SCLT1: variants seen among roughly 807,000 people sequenced by gnomAD.
The protein encoded by SCLT1 is sodium channel-associated protein 1.
SCLT1 carries 78 observed loss-of-function variants against 112.8 expected under a neutral mutation model. The ratio of observed to expected loss-of-function variants is 0.69; its 90% CI spans 0.58 to 0.83. The LOEUF (loss-of-function observed/expected upper bound fraction) is 0.83. Ranked by LOEUF, SCLT1 falls within the 40% of genes least tolerant of loss-of-function variation. SCLT1 has a pLI of 0.00. For missense variants in SCLT1, 747 were observed against 770.4 expected (o/e 0.97, Z 0.36); for synonymous variants, 257 against 254.7 (o/e 1.01, Z -0.09).
intron 2 of SCLT1, among the ~76,000 whole-genome samples, chr4:129,046,350 T>C: frequency 6.6e-6 from 1 of 152,070 alleles, no homozygotes; most frequent in East Asian, 1.9e-4. Flanking sequence ...CCAGGCTCCA[T>C]GTGGGACCCA....
At chr4:129,089,289 A>C (rs1752641135) in intron 1 of SCLT1, among the ~76,000 whole-genome samples, 1 of 152,238 alleles carries the variant, frequency 6.6e-6, no homozygotes, top group Non-Finnish European at 1.5e-5. Context: ...GAGAAATGCA[A>C]ATCAAAACCA....
intron 9 of SCLT1, among the ~76,000 whole-genome samples, chr4:128,982,910 C>T (rs751852579): frequency 1.1e-4 from 16 of 151,508 alleles, no homozygotes; most frequent in Middle Eastern, 3.2e-3. Context: ...TTGTTTGAGA[C>T]GGATTTTCAC....
chr4:128,929,131 A>G (rs896827158), intron 18 of SCLT1, among the ~76,000 whole-genome samples: 3 of 152,226 alleles, frequency 2.0e-5, no homozygotes, highest in Non-Finnish European at 4.4e-5. Context: ...CAAAATCCAA[A>G]AGATTCTACA....
rs188412085 is a variant in SCLT1, at chr4:128,979,779, C to G, written c.687-9311G>C. Among the ~76,000 whole-genome samples, 372 of 152,232 alleles carry G rather than the reference C, an allele frequency of 2.4e-3. 5 individuals carry two copies. The highest frequency in any genetic ancestry group is 6.0e-4 in the Non-Finnish European group (41 of 68,010). On this transcript the variant is annotated intron_variant, in intron 9 of 20. Coordinates refer to ENST00000281142, the MANE Select transcript of SCLT1 (RefSeq NM_144643.4). ...ATATATTTTGAAAGAAAACAGTCAT[C>G]TACTCTTAGAGGCAAAAGTTCTGAA...
At chr4:128,876,408 G>C (rs1732521417) in intron 4 of SCLT1, 1 of 152,118 alleles carries the variant, frequency 6.6e-6, no homozygotes, top group Non-Finnish European at 1.5e-5. Context: ...GCCAAAGGAA[G>C]GGCCTATCAT....
chr4:129,068,110 T>G (rs1484062692), intron 2 of SCLT1, among the ~76,000 whole-genome samples: 3 of 152,196 alleles, frequency 2.0e-5, no homozygotes, highest in Non-Finnish European at 4.4e-5. Flanking sequence ...CATTCCTGAA[T>G]TACTTCACTT....
At chr4:128,930,393 A>G (rs1442578677) in intron 18 of SCLT1, among the ~76,000 whole-genome samples, 2 of 152,182 alleles carry the variant, frequency 1.3e-5, no homozygotes, top group Non-Finnish European at 2.9e-5. Context: ...TACTTCATGA[A>G]AGACCTTGTG....
intron 2 of SCLT1, among the ~76,000 whole-genome samples, chr4:129,065,019 C>T (rs1750353020): frequency 6.6e-6 from 1 of 151,944 alleles, no homozygotes; most frequent in African/African-American, 2.4e-5. Context: ...TGTTTAGAAC[C>T]TTTTATTTTT....
chr4:128,891,091 G>A lies in SCLT1; in HGVS notation c.1876C>T (p.Gln626Ter), dbSNP rs1479099522. ...QKLHTQELLS[Q>*]LEMANEKVAE... ...ACCTTTTCATTTGCCATTTCCAGCT[G>A]AGAAAGCAGCTCTTGGGTATGAAGT... The change falls in exon 19 of 21, where the codon CAG becomes TAG. Residue 626 changes from glutamine to a stop codon, truncating the protein, a stop_gained. Transcript: ENST00000281142. LOFTEE classifies it high-confidence loss of function. 4.3e-6 allele frequency: 7 copies of A among 1,612,910 alleles called. No individual in the cohort carries two copies. Among genetic ancestry groups the A allele is most frequent in the Non-Finnish European group, 5.9e-6 (7 of 1,179,464 alleles).
intron 10 of SCLT1, among the ~76,000 whole-genome samples, chr4:128,969,359 T>C (rs897699781): frequency 2.0e-5 from 3 of 151,854 alleles, no homozygotes; most frequent in Admixed American, 1.3e-4. Flanking sequence ...GATCACAAGG[T>C]CAGGAAACTG....
intron 1 of SCLT1, among the ~76,000 whole-genome samples, chr4:129,083,186 G>GAAAAAAAAAAAAAAAAAAAAAAAAAAAA (rs10651058): frequency 1.2e-5 from 1 of 84,548 alleles, no homozygotes; most frequent in Non-Finnish European, 2.1e-5. Flanking sequence ...GTGAGACTCT[G>GAAAAAAAAAAAAAAAAAAAAAAAAAAAA]AAAAAAAAAA....
chr4:128,980,352 A>ATATCTTT lies in SCLT1; in HGVS notation c.687-9885_687-9884insAAAGATA, dbSNP rs534014003. Reference sequence around the variant, plus strand: ...TGTCTTTTAAAAAATAAGATAGTATATAAAAATTATCAGCACACACATTTT... The same window carrying ATATCTTT: ...TGTCTTTTAAAAAATAAGATAGTATATATCTTTTAAAAATTATCAGCACACACATTTT... On this transcript the variant is annotated intron_variant, in intron 9 of 20. Coordinates refer to ENST00000281142, the MANE Select transcript of SCLT1 (RefSeq NM_144643.4). Among the ~76,000 whole-genome samples, 530 of 152,360 alleles carry ATATCTTT rather than the reference A, an allele frequency of 3.5e-3. 6 individuals are homozygous for ATATCTTT. The highest frequency in any genetic ancestry group is 0.01 in the Middle Eastern group (3 of 294).
At chr4:129,066,928 C>T (rs1319758689) in intron 2 of SCLT1, among the ~76,000 whole-genome samples, 1 of 151,914 alleles carries the variant, frequency 6.6e-6, no homozygotes, top group African/African-American at 2.4e-5. Flanking sequence ...CAGAAGGAAA[C>T]AGGTGAGGAA....
At chr4:128,910,585 C>T (rs1735016320) in intron 18 of SCLT1, among the ~76,000 whole-genome samples, 1 of 151,886 alleles carries the variant, frequency 6.6e-6, no homozygotes, top group South Asian at 2.1e-4. Flanking sequence ...ATGGTTAGAT[C>T]GATTAATCAC....
intron 7 of SCLT1, 28 bp from the exon 8 acceptor site, chr4:128,997,967 T>A (rs750311385): frequency 2.7e-5 from 33 of 1,214,706 alleles, no homozygotes; most frequent in Non-Finnish European, 3.6e-5. Context: ...GGGGAGTATA[T>A]AAATAGCATT....
chr4:128,898,791 A>G (rs1486919332), intron 18 of SCLT1, among the ~76,000 whole-genome samples: 1 of 152,206 alleles, frequency 6.6e-6, no homozygotes, highest in Non-Finnish European at 1.5e-5. Flanking sequence ...ACTAATGAAG[A>G]AGAAAACAGA....
chr4:129,088,966 C>T (rs1752617985), intron 1 of SCLT1, among the ~76,000 whole-genome samples: 1 of 152,134 alleles, frequency 6.6e-6, no homozygotes, highest in South Asian at 2.1e-4. Flanking sequence ...GTCTAAAACA[C>T]CAAAAGCAAT....
intron 19 of SCLT1, among the ~76,000 whole-genome samples, chr4:128,889,535 C>T (rs1733150833): frequency 6.6e-6 from 1 of 152,156 alleles, no homozygotes; most frequent in Admixed American, 6.5e-5. Context: ...GACTTCTAGC[C>T]TCTGGAACTA....
At chr4:129,059,694 G>A (rs1417806534) in intron 2 of SCLT1, among the ~76,000 whole-genome samples, 1 of 152,036 alleles carries the variant, frequency 6.6e-6, no homozygotes, top group Non-Finnish European at 1.5e-5. Flanking sequence ...GTTCTATAAG[G>A]TTTCTGCAGA....
Sources: gnomAD v4.1 joint callset for allele counts (sites outside exome capture counted in the v4.1 genomes callset) on GRCh38, gnomAD v4.1.1 for gene constraint, MANE v1.5 for transcripts, NCBI Gene and HGNC (gene_info 2026-07-23, HGNC 2026-07-21) for gene names.